Variants in KLHL29 observed in about 807,000 individuals in gnomAD.
KLHL29 encodes kelch like family member 29.
A neutral mutation model predicts 80.4 loss-of-function variants in KLHL29; 21 were observed. The ratio of observed to expected loss-of-function variants is 0.26; its 90% CI spans 0.19 to 0.38. The LOEUF (loss-of-function observed/expected upper bound fraction) is 0.38, where lower values mean the gene tolerates loss of function less well. Ranked by LOEUF, KLHL29 falls within the 10% of genes least tolerant of loss-of-function variation. The probability of loss-of-function intolerance (pLI) is 1.00; values close to 1 mark genes in which losing one functional copy is unlikely to be tolerated. For missense variants in KLHL29, 867 were observed against 1,223.9 expected (o/e 0.71, Z 4.35); for synonymous variants, 511 against 526.8 (o/e 0.97, Z 0.41).
chr2:23,517,261 T>C lies in KLHL29; in HGVS notation c.-46+41594T>C, dbSNP rs192323236. Among the ~76,000 whole-genome samples, 603 of 152,232 alleles carry C rather than the reference T, an allele frequency of 4.0e-3. 6 individuals are homozygous for C. Among genetic ancestry groups the C allele is most frequent in the African/African-American group, 0.014 (566 of 41,544 alleles). On this transcript the variant is annotated intron_variant, in intron 2 of 13. Coordinates refer to ENST00000486442, the MANE Select transcript of KLHL29 (RefSeq NM_052920.2). Reference sequence around the variant, plus strand: ...CAGAAACTTTTAAAAACAACCTAACTAGGCTGGGCGCGGTGGCTCACGCCT... The same window carrying C: ...CAGAAACTTTTAAAAACAACCTAACCAGGCTGGGCGCGGTGGCTCACGCCT...
intron 2 of KLHL29, among the ~76,000 whole-genome samples, chr2:23,549,623 C>T (rs1257166731): frequency 2.6e-5 from 4 of 152,184 alleles, no homozygotes; most frequent in Admixed American, 6.5e-5. Context: ...GGGGAGTGGG[C>T]AAAACAGGGC....
intron 8 of KLHL29, among the ~76,000 whole-genome samples, chr2:23,694,591 C>T (rs1298260846): frequency 3.3e-5 from 5 of 152,190 alleles, no homozygotes; most frequent in Non-Finnish European, 5.9e-5. Context: ...GCTGGCCTCC[C>T]CAGCCTCTCT....
intron 2 of KLHL29, among the ~76,000 whole-genome samples, chr2:23,486,948 G>A (rs994114334): frequency 5.9e-5 from 9 of 152,180 alleles, no homozygotes; most frequent in Non-Finnish European, 7.3e-5. Context: ...GCACTTTCTC[G>A]TGGAATCCTC....
chr2:23,690,676 G>A (rs1671537440), intron 6 of KLHL29: 1 of 152,204 alleles, frequency 6.6e-6, no homozygotes, highest in African/African-American at 2.4e-5. Flanking sequence ...CGGCCTGCGG[G>A]GCCGCCTCCG....
chr2:23,584,208 G>A (rs1668060372), intron 3 of KLHL29, among the ~76,000 whole-genome samples: 1 of 152,168 alleles, frequency 6.6e-6, no homozygotes, highest in Non-Finnish European at 1.5e-5. Context: ...TGCTCCCCTG[G>A]GCCTGGGTAT....
At chr2:23,522,183 C>T (rs1457379367) in intron 2 of KLHL29, among the ~76,000 whole-genome samples, 1 of 151,814 alleles carries the variant, frequency 6.6e-6, no homozygotes, top group Non-Finnish European at 1.5e-5. Context: ...GAGTCTAGCT[C>T]TGTTGCCCAG....
At chr2:23,555,855 GC>G in intron 2 of KLHL29, among the ~76,000 whole-genome samples, 1 of 152,366 alleles carries the variant, frequency 6.6e-6, no homozygotes, top group African/African-American at 2.4e-5. Flanking sequence ...TGAGGCAGTT[GC>G]ACTTGACCAT....
intron 1 of KLHL29, among the ~76,000 whole-genome samples, chr2:23,387,910 A>G (rs1464319781): frequency 1.3e-5 from 2 of 152,202 alleles, no homozygotes; most frequent in African/African-American, 4.8e-5. Flanking sequence ...ACTTTTCTGC[A>G]CAAACATCTT....
chr2:23,609,727 T>G (rs963903393), intron 3 of KLHL29, among the ~76,000 whole-genome samples: 1 of 152,190 alleles, frequency 6.6e-6, no homozygotes, highest in African/African-American at 2.4e-5. Flanking sequence ...CAGAGCCTAC[T>G]ACAAGCACTT....
chr2:23,664,740 G>C (rs1487694852), intron 5 of KLHL29, among the ~76,000 whole-genome samples: 3 of 152,210 alleles, frequency 2.0e-5, no homozygotes, highest in African/African-American at 7.2e-5. Flanking sequence ...ATGTGGGTGA[G>C]GGCCAGTCCT....
chr2:23,597,378 T>C (rs1668442793), intron 3 of KLHL29, among the ~76,000 whole-genome samples: 1 of 25,472 alleles, frequency 3.9e-5, no homozygotes, highest in Non-Finnish European at 8.4e-5. Flanking sequence ...TATATGTGTG[T>C]GTGTGTATAT....
intron 3 of KLHL29, among the ~76,000 whole-genome samples, chr2:23,610,791 C>T (rs1469064126): frequency 6.6e-6 from 1 of 152,224 alleles, no homozygotes; most frequent in Non-Finnish European, 1.5e-5. Context: ...GGACCTCACT[C>T]GCCCCTGCAA....
intron 5 of KLHL29, chr2:23,670,207 GACAGGAT>G (rs907299346): frequency 2.6e-5 from 4 of 152,322 alleles, no homozygotes; most frequent in African/African-American, 9.7e-5. Context: ...CTAACTGGAA[GACAGGAT>G]TCAGCAGGCA....
intron 3 of KLHL29, among the ~76,000 whole-genome samples, chr2:23,568,404 T>A (rs1408154313): frequency 6.6e-6 from 1 of 152,152 alleles, no homozygotes; most frequent in Admixed American, 6.5e-5. Context: ...CATTTATCTG[T>A]GGTCTGCTGT....
chr2:23,423,958 G>A (rs1480700387), intron 1 of KLHL29, among the ~76,000 whole-genome samples: 2 of 152,134 alleles, frequency 1.3e-5, no homozygotes, highest in African/African-American at 2.4e-5. Flanking sequence ...TAGTGGCTTC[G>A]CTGGAGCATC....
intron 3 of KLHL29, among the ~76,000 whole-genome samples, chr2:23,590,309 T>C (rs940749714): frequency 6.6e-6 from 1 of 152,112 alleles, no homozygotes; most frequent in Non-Finnish European, 1.5e-5. Flanking sequence ...CCAAGCAGAG[T>C]TCTAGCTTCT....
chr2:23,473,902 TCC>T (rs1664562361), intron 1 of KLHL29, among the ~76,000 whole-genome samples: 1 of 152,040 alleles, frequency 6.6e-6, no homozygotes, highest in African/African-American at 2.4e-5. Context: ...CACTGGCTGT[TCC>T]CTCTGCCTAG....
Position 23,562,404 on chromosome 2 carries a change from C to G in KLHL29, c.208C>G (p.Pro70Ala). Residue 70 changes from proline to alanine, a missense_variant, in exon 3 of 14, where the codon CCT (proline) becomes GCT (alanine). Transcript: ENST00000486442. The surrounding 1 kb of genome is among the most constrained non-coding windows in gnomAD (Gnocchi z 4.5). Reference sequence around the variant, plus strand: ...CCGGCTGCCCACCCCGGCTACAGCTCCTGCTCCCTGCACCACCGGCAGCAG... The same window carrying G: ...CCGGCTGCCCACCCCGGCTACAGCTGCTGCTCCCTGCACCACCGGCAGCAG... ...PSRLPTPATA[P>A]APCTTGSSEA... 1 of 1,538,582 alleles carries G rather than the reference C, an allele frequency of 6.5e-7. No individual in the cohort carries two copies. Among genetic ancestry groups the G allele is most frequent in the Non-Finnish European group, 8.7e-7 (1 of 1,146,672 alleles).
At chr2:23,678,881 A>T (rs1670995577) in intron 5 of KLHL29, among the ~76,000 whole-genome samples, 1 of 152,184 alleles carries the variant, frequency 6.6e-6, no homozygotes, top group East Asian at 1.9e-4. Flanking sequence ...GACAGAAAGT[A>T]GAATGGTGGT....
Sources: gnomAD v4.1 joint callset for allele counts (sites outside exome capture counted in the v4.1 genomes callset) on GRCh38, gnomAD v4.1.1 for gene constraint, Gnocchi (gnomAD v3.1) non-coding constraint, MANE v1.5 for transcripts, NCBI Gene and HGNC (gene_info 2026-07-23, HGNC 2026-07-21) for gene names.